PTPRD: variants seen among roughly 807,000 people sequenced by gnomAD.
PTPRD encodes protein tyrosine phosphatase receptor type D.
In PTPRD, 34 loss-of-function variants were observed where a neutral mutation model predicts 214.5. The ratio of observed to expected loss-of-function variants is 0.16; its 90% CI spans 0.12 to 0.21. The LOEUF is 0.21. PTPRD is among the 10% of genes least tolerant of loss of function. PTPRD has a pLI of 1.00. For missense variants in PTPRD, 2,545 were observed against 2,398.7 expected, an observed-to-expected ratio of 1.06 and a Z score of -1.27; for synonymous variants, 1,128 against 845.7, an observed-to-expected ratio of 1.33 and a Z score of -5.79.
At chr9:8,606,098 T>C (rs1000104825) in intron 14 of PTPRD, among the ~76,000 whole-genome samples, 2 of 152,102 alleles carry the variant, frequency 1.3e-5, no homozygotes, top group Non-Finnish European at 2.9e-5. Flanking sequence ...TACATACAAT[T>C]GTGGACAAAA....
At chr9:9,443,961 A>T (rs899707552) in intron 8 of PTPRD, among the ~76,000 whole-genome samples, 16 of 152,232 alleles carry the variant, frequency 1.1e-4, no homozygotes, top group Non-Finnish European at 2.4e-4. Context: ...TGTCTACTAT[A>T]CATAATGACA....
chr9:9,592,787 G>C (rs896054010), intron 7 of PTPRD, among the ~76,000 whole-genome samples: 1 of 152,030 alleles, frequency 6.6e-6, no homozygotes, highest in Non-Finnish European at 1.5e-5. Flanking sequence ...GCTCACACCT[G>C]TAATCCCAGC....
intron 4 of PTPRD, among the ~76,000 whole-genome samples, chr9:9,948,456 CA>C (rs1291798212): frequency 4.0e-5 from 6 of 151,808 alleles, no homozygotes; most frequent in Admixed American, 3.9e-4. Flanking sequence ...GAATCTTTGG[CA>C]AATAAATGGC....
chr9:10,257,502 A>T (rs759511487), intron 3 of PTPRD, among the ~76,000 whole-genome samples: 16 of 152,240 alleles, frequency 1.1e-4, no homozygotes, highest in Admixed American at 2.6e-4. Flanking sequence ...CCAATTGATT[A>T]GGCAAGCACA....
chr9:10,514,635 T>C (rs2049394881), intron 2 of PTPRD, among the ~76,000 whole-genome samples: 1 of 151,924 alleles, frequency 6.6e-6, no homozygotes, highest in South Asian at 2.1e-4. Context: ...ATTTGAATAG[T>C]TAACCAAGTG....
intron 4 of PTPRD, among the ~76,000 whole-genome samples, chr9:10,033,238 G>T (rs773574992): frequency 6.6e-6 from 1 of 151,684 alleles, no homozygotes; most frequent in Non-Finnish European, 1.5e-5. Flanking sequence ...AAATACTAAT[G>T]CTATATACTG....
At chr9:8,346,452 G>T (rs1857695155) in intron 39 of PTPRD, among the ~76,000 whole-genome samples, 1 of 152,112 alleles carries the variant, frequency 6.6e-6, no homozygotes, top group Admixed American at 6.6e-5. Context: ...GTTAACCACG[G>T]TCTGAAAATA....
intron 9 of PTPRD, among the ~76,000 whole-genome samples, chr9:9,191,604 T>C (rs1159128531): frequency 6.6e-6 from 1 of 152,120 alleles, no homozygotes; most frequent in Non-Finnish European, 1.5e-5. Context: ...GACAAACACA[T>C]TTAACATTAT....
At chr9:8,830,179 T>C (rs890341009) in intron 11 of PTPRD, among the ~76,000 whole-genome samples, 23 of 152,120 alleles carry the variant, frequency 1.5e-4, no homozygotes, top group Non-Finnish European at 3.4e-4. Flanking sequence ...GCAAAGCACA[T>C]AAAATGACCT....
intron 14 of PTPRD, among the ~76,000 whole-genome samples, chr9:8,624,720 G>C (rs1006012950): frequency 1.3e-4 from 20 of 151,768 alleles, no homozygotes; most frequent in African/African-American, 4.8e-4. Context: ...TGAGTAATGT[G>C]TCTAAACCTA....
At position 9,690,893 on chromosome 9, in the gene PTPRD, A is replaced by G. The variant is rs2097258706; in HGVS notation, c.-287+43640T>C. On this transcript the variant is annotated intron_variant, in intron 7 of 45. Transcript: ENST00000381196. ...TTGTAGTATATTTTGAAGTTAAGTC[A>G]TGTGATGACTTTAGTTTGTTCTTGT... is the stretch of plus-strand genomic sequence containing the variant. Among the ~76,000 whole-genome samples, 4 of 151,700 alleles carry G rather than the reference A, an allele frequency of 2.6e-5. No homozygotes were observed. In the South Asian group the frequency reaches 8.3e-4, roughly 31 times the overall value.
intron 11 of PTPRD, among the ~76,000 whole-genome samples, chr9:8,959,176 C>A (rs944493725): frequency 2.0e-5 from 3 of 151,952 alleles, no homozygotes; most frequent in Non-Finnish European, 4.4e-5. Context: ...ATTCATTGAG[C>A]ACCCATCATG....
At chr9:8,763,986 A>G (rs1328975345) in intron 11 of PTPRD, among the ~76,000 whole-genome samples, 1 of 152,228 alleles carries the variant, frequency 6.6e-6, no homozygotes, top group Non-Finnish European at 1.5e-5. Context: ...CAGTTTCAAG[A>G]GTTCATTAAA....
intron 7 of PTPRD, among the ~76,000 whole-genome samples, chr9:9,577,565 A>C (rs1432288434): frequency 6.6e-6 from 1 of 152,124 alleles, no homozygotes; most frequent in Non-Finnish European, 1.5e-5. Context: ...CTTGTCTCAA[A>C]AAATAAATAA....
chr9:9,870,658 G>T (rs992744935), intron 5 of PTPRD, among the ~76,000 whole-genome samples: 1 of 151,602 alleles, frequency 6.6e-6, no homozygotes, highest in African/African-American at 2.4e-5. Flanking sequence ...ATGCTATTTT[G>T]GTCATGTATG....
At chr9:8,656,618 T>C (rs915348971) in intron 12 of PTPRD, among the ~76,000 whole-genome samples, 2 of 152,234 alleles carry the variant, frequency 1.3e-5, no homozygotes, top group African/African-American at 4.8e-5. Context: ...CCACTCTTAT[T>C]TACCTTCACA....
intron 14 of PTPRD, among the ~76,000 whole-genome samples, chr9:8,572,001 T>C (rs1273982503): frequency 1.3e-5 from 2 of 152,054 alleles, no homozygotes; most frequent in Admixed American, 1.3e-4. Context: ...GGAAGTAATG[T>C]GTACAGTGAT....
At chr9:8,868,595 G>C (rs116854635) in intron 11 of PTPRD, among the ~76,000 whole-genome samples, 2 of 152,170 alleles carry the variant, frequency 1.3e-5, no homozygotes, top group African/African-American at 4.8e-5. Context: ...AGCACAATTC[G>C]AAAATCACTA....
At chr9:10,053,457 A>C (rs2097569081) in intron 3 of PTPRD, among the ~76,000 whole-genome samples, 1 of 152,140 alleles carries the variant, frequency 6.6e-6, no homozygotes, top group Admixed American at 6.6e-5. Flanking sequence ...GAGGAACGTG[A>C]AATGTGATGT....
Sources: gnomAD v4.1 joint callset for allele counts (sites outside exome capture counted in the v4.1 genomes callset) on GRCh38, gnomAD v4.1.1 for gene constraint, MANE v1.5 for transcripts, NCBI Gene and HGNC (gene_info 2026-07-23, HGNC 2026-07-21) for gene names.